PUM1: variants seen among roughly 807,000 people sequenced by gnomAD.
The protein encoded by PUM1 is pumilio RNA binding family member 1.
PUM1 carries 13 observed loss-of-function variants against 131.8 expected under a neutral mutation model. The ratio of observed to expected loss-of-function variants is 0.10; its 90% CI spans 0.06 to 0.16. PUM1 has a LOEUF of 0.16. Ranked by LOEUF, PUM1 falls within the 10% of genes least tolerant of loss-of-function variation. The pLI is 1.00. For missense variants in PUM1, 961 were observed against 1,512.4 expected (o/e 0.64, Z 6.05); for synonymous variants, 509 against 556.5 (o/e 0.91, Z 1.20).
At chr1:30,949,296 A>G (rs1292624014) in intron 17 of PUM1, 1 of 342,626 alleles carries the variant, frequency 2.9e-6, no homozygotes, top group Non-Finnish European at 5.6e-6. Flanking sequence ...GGCTGGAGGC[A>G]CTGCCCAGCA....
intron 2 of PUM1, among the ~76,000 whole-genome samples, chr1:31,048,065 C>A (rs1052078515): frequency 6.6e-6 from 1 of 151,752 alleles, no homozygotes; most frequent in African/African-American, 2.4e-5. Context: ...ACAGTGAAAC[C>A]CCATCTCTAC....
intron 10 of PUM1, among the ~76,000 whole-genome samples, chr1:30,974,160 T>C (rs1203507030): frequency 2.0e-5 from 3 of 152,058 alleles, no homozygotes; most frequent in Admixed American, 1.3e-4. Flanking sequence ...AAGATGTAGT[T>C]TTGCAGTTTA....
At chr1:30,967,340 A>G (rs914238806) in intron 11 of PUM1, 30 bp from the exon 12 acceptor site, 6 of 1,598,940 alleles carry the variant, frequency 3.8e-6, no homozygotes, top group South Asian at 1.1e-5. Flanking sequence ...AAAGAAATGT[A>G]TATGTTAAAC....
chr1:31,059,640 G>A, intron 1 of PUM1, 63 bp from the exon 2 acceptor site: 6 of 1,500,448 alleles, frequency 4.0e-6, no homozygotes, highest in African/African-American at 1.4e-5. Flanking sequence ...AACACACTAA[G>A]ATAAAAACAT....
rs941023589 is a variant in PUM1 at position 31,062,552 on chromosome 1, G to A, written c.-11-2975C>T. ...GAAGAATCGCTTGAACCCAGGAGGC[G>A]GAGGTTGCAGTGAGCCGAGATCAAG... is the stretch of plus-strand genomic sequence containing the variant. On this transcript the variant is annotated intron_variant, in intron 1 of 21. Transcript: ENST00000426105. Among the ~76,000 whole-genome samples the A allele has an allele frequency of 3.3e-5, 5 of 151,446 alleles. No individual in the cohort carries two copies. In the East Asian group the frequency reaches 7.7e-4, roughly 23 times the overall value.
Position 31,059,450 on chromosome 1 carries a change from T to C in PUM1, c.117A>G (p.Thr39=), listed in dbSNP as rs748544129. ...PANPNMPVVL[T]SGTGSQAQPQ... is the part of the protein sequence containing the mutation. ...GCTGCGCTTGCGACCCTGTTCCAGA[T>C]GTCAAAACAACAGGCATGTTGGGAT... The change falls in exon 2 of 22, where the codon ACA becomes ACG. Residue 39 remains threonine, a synonymous_variant. Transcript: ENST00000426105. The C allele has an allele frequency of 1.2e-6, 2 of 1,614,194 alleles. No homozygotes were observed. The highest frequency in any genetic ancestry group is 1.7e-6 in the Non-Finnish European group (2 of 1,180,022).
At chr1:30,966,816 G>A (rs1359902414) in intron 12 of PUM1, among the ~76,000 whole-genome samples, 1 of 151,918 alleles carries the variant, frequency 6.6e-6, no homozygotes, top group Non-Finnish European at 1.5e-5. Context: ...CTGCCCCTGT[G>A]GCAAAAAACA....
intron 21 of PUM1, among the ~76,000 whole-genome samples, chr1:30,935,416 G>A (rs1033840855): frequency 1.3e-5 from 2 of 152,208 alleles, no homozygotes; most frequent in African/African-American, 4.8e-5. Context: ...CAGTGTCCCA[G>A]TAACTATCTG....
intron 2 of PUM1, among the ~76,000 whole-genome samples, chr1:31,051,951 T>C (rs1644119257): frequency 6.6e-6 from 1 of 152,118 alleles, no homozygotes; most frequent in Non-Finnish European, 1.5e-5. Context: ...AGTAATGAAA[T>C]TTTCAATGTT....
In PUM1 at chr1:31,021,588, G is replaced by A. The variant is rs114686086; in HGVS notation, c.432+7208C>T. ...TCACCATATATACACAAATCATTATGTATAAAACAAACTGGGCCATGATTG... is the reference window on the plus strand; with the variant it reads ...TCACCATATATACACAAATCATTATATATAAAACAAACTGGGCCATGATTG... On this transcript the variant is annotated intron_variant, in intron 3 of 21. Coordinates refer to ENST00000426105, the MANE Select transcript of PUM1 (RefSeq NM_001020658.2). 4.5e-3 allele frequency among the ~76,000 whole-genome samples: 683 copies of A among 152,240 alleles called. 3 individuals are homozygous for A. The highest frequency in any genetic ancestry group is 0.015 in the African/African-American group (643 of 41,548).
At chr1:31,016,764 C>G (rs1642834154) in intron 3 of PUM1, among the ~76,000 whole-genome samples, 1 of 152,086 alleles carries the variant, frequency 6.6e-6, no homozygotes, top group African/African-American at 2.4e-5. Context: ...AACAGATTAC[C>G]ATAGACATGG....
At chr1:30,986,334 G>A (rs1042269043) in intron 7 of PUM1, among the ~76,000 whole-genome samples, 1 of 152,160 alleles carries the variant, frequency 6.6e-6, no homozygotes, top group African/African-American at 2.4e-5. Context: ...CTTCGAAACA[G>A]TAAAAGCACT....
chr1:31,001,355 CAGAA>C (rs1311428512), intron 5 of PUM1, among the ~76,000 whole-genome samples: 3 of 148,802 alleles, frequency 2.0e-5, no homozygotes, highest in Non-Finnish European at 3.0e-5. Flanking sequence ...CAGAAAGAGA[CAGAA>C]AGAGATTGTC....
At chr1:30,950,795 A>C (rs1451485397) in intron 16 of PUM1, among the ~76,000 whole-genome samples, 1 of 152,232 alleles carries the variant, frequency 6.6e-6, no homozygotes, top group African/African-American at 2.4e-5. Flanking sequence ...CAGGCGGCAG[A>C]GGTTACAGTG....
chr1:30,967,067 C>G (rs1640652531), intron 12 of PUM1, 100 bp downstream of exon 12: 2 of 1,394,420 alleles, frequency 1.4e-6, no homozygotes, highest in African/African-American at 2.9e-5. Flanking sequence ...AACCGATATA[C>G]TGAGAATTGC....
At chr1:31,034,057 G>A (rs1442744979) in intron 2 of PUM1, among the ~76,000 whole-genome samples, 6 of 152,002 alleles carry the variant, frequency 3.9e-5, no homozygotes, top group Admixed American at 2.0e-4. Flanking sequence ...TTTCAAGCAG[G>A]TATTATTGAA....
chr1:30,966,794 C>T (rs917734205), intron 12 of PUM1, among the ~76,000 whole-genome samples: 19 of 152,220 alleles, frequency 1.2e-4, no homozygotes, highest in Admixed American at 3.3e-4. Context: ...CTCTTTCCCA[C>T]GTCCTCCACT....
At chr1:30,952,962 C>A (rs908695268) in intron 15 of PUM1, among the ~76,000 whole-genome samples, 1 of 151,838 alleles carries the variant, frequency 6.6e-6, no homozygotes, top group Admixed American at 6.6e-5. Context: ...GGCGACAGAG[C>A]AAGACTCTGT....
intron 21 of PUM1, 97 bp from the exon 22 acceptor site, chr1:30,933,439 T>TACATACACAC (rs1553142807): frequency 5.5e-6 from 2 of 363,896 alleles, no homozygotes; most frequent in South Asian, 2.6e-5. Context: ...CACACACACA[T>TACATACACAC]ACACACACAC....
Sources: allele counts gnomAD v4.1 joint callset (sites outside exome capture counted in the v4.1 genomes callset), GRCh38; gene constraint gnomAD v4.1.1; transcripts MANE v1.5; gene names NCBI Gene and HGNC (gene_info 2026-07-23, HGNC 2026-07-21).